The following LAMA4 variants were observed in gnomAD, a reference collection of about 807,000 sequenced individuals.
LAMA4 encodes the protein laminin subunit alpha-4.
Under a neutral mutation model 207.1 loss-of-function variants are expected in LAMA4, and 127 were observed. The ratio of observed to expected loss-of-function variants is 0.61; its 90% confidence interval spans 0.53 to 0.71. LAMA4 has a LOEUF of 0.71. Ranked by LOEUF, LAMA4 falls within the 30% of genes least tolerant of loss-of-function variation. LAMA4 has a pLI of 0.00. For synonymous variants in LAMA4, 761 were observed against 816.0 expected, an observed-to-expected ratio of 0.93 and a Z score of 1.15; for missense variants, 2,093 against 2,246.5, an observed-to-expected ratio of 0.93 and a Z score of 1.38.
chr6:112,200,139 A>T (rs1483604892), intron 5 of LAMA4: 3 of 533,234 alleles, frequency 5.6e-6, no homozygotes, highest in African/African-American at 3.8e-5. Flanking sequence ...TTACCGAGTC[A>T]TTCAGTGGAA....
rs369887291 is a variant in LAMA4, at chr6:112,119,286, C to A, written c.4691G>T (p.Ser1564Ile). The A allele has an allele frequency of 9.8e-5, 158 of 1,614,020 alleles. 1 individual carries two copies. The East Asian group carries it at 1.9e-3, about 20-fold the overall frequency. Residue 1564 changes from serine to isoleucine, a missense_variant, in exon 34 of 39, where the codon AGT (serine) becomes ATT (isoleucine). Around this residue, in one of 3 missense-constraint regions of LAMA4, gnomAD observed 383 missense variants for 437.8 expected, o/e 0.87. Coordinates refer to ENST00000230538, the MANE Select transcript of LAMA4 (RefSeq NM_001105206.3). ...HDVIFIRERS[S>I]GRLVIDGLRV... is the part of the protein sequence containing the mutation. ...GAGACCATCAATTACCAGTCGGCCA[C>A]TGCTCCTTTCTCGAATAAATATCAC...
At chr6:112,184,724 C>T (rs1299545415) in intron 9 of LAMA4, among the ~76,000 whole-genome samples, 2 of 152,130 alleles carry the variant, frequency 1.3e-5, no homozygotes, top group Admixed American at 1.3e-4. Context: ...ATACTCAACT[C>T]TTTAAACGGG....
intron 15 of LAMA4, 104 bp downstream of exon 15, chr6:112,155,461 T>G: frequency 3.0e-6 from 4 of 1,320,880 alleles, no homozygotes; most frequent in Non-Finnish European, 4.4e-6. Context: ...TTTTCCACTC[T>G]TTCTGCCATT....
Position 112,254,205 on chromosome 6 carries a change from G to C in LAMA4, c.-55C>G. ...CAGGGCTCGGGCGCTGTGGGTCTCC[G>C]TAGGTCTCCCGCGTGGTGCGGCGGT... On this transcript the variant is annotated 5_prime_UTR_variant, in exon 2 of 39. Transcript: ENST00000230538. The C allele has an allele frequency of 1.2e-6, 2 of 1,608,590 alleles. No individual in the cohort carries two copies. The highest frequency in any genetic ancestry group is 1.7e-6 in the Non-Finnish European group (2 of 1,178,568).
At chr6:112,132,350 C>T (rs1271969981) in intron 28 of LAMA4, among the ~76,000 whole-genome samples, 1 of 152,016 alleles carries the variant, frequency 6.6e-6, no homozygotes, top group East Asian at 1.9e-4. Context: ...ATTTCTGTGA[C>T]AATTGTAATG....
chr6:112,206,402 G>A (rs1554354256), intron 4 of LAMA4, among the ~76,000 whole-genome samples: 1 of 152,138 alleles, frequency 6.6e-6, no homozygotes, highest in Non-Finnish European at 1.5e-5. Context: ...TCCATATTCT[G>A]TCATTTTAAA....
intron 2 of LAMA4, among the ~76,000 whole-genome samples, chr6:112,217,297 C>T (rs1393923496): frequency 6.6e-6 from 1 of 152,120 alleles, no homozygotes; most frequent in Non-Finnish European, 1.5e-5. Flanking sequence ...TGTGGATATG[C>T]ATTTGATATT....
At position 112,118,256 on chromosome 6, in the gene LAMA4, A is replaced by G. The variant is rs1317497000; in HGVS notation, c.4822-358T>C. Among the ~76,000 whole-genome samples, 1 of 152,214 alleles carries G rather than the reference A, an allele frequency of 6.6e-6. No homozygotes were observed. The highest frequency in any genetic ancestry group is 1.5e-5 in the Non-Finnish European group (1 of 68,038). On this transcript the variant is annotated intron_variant, in intron 34 of 38. Transcript: ENST00000230538. The surrounding 1 kb of genome is among the most constrained non-coding windows in gnomAD (Gnocchi z 4.6). ...ACCTAAGGCTGATGAGGGCTAGCAA[A>G]GTTCTTTACTTAAATCTACCATAGC...
rs782809430 is a variant in LAMA4 at position 112,140,793 on chromosome 6, C to T, written c.2943G>A (p.Val981=). 8.7e-6 allele frequency: 14 copies of T among 1,613,934 alleles called. No homozygotes were observed. Among genetic ancestry groups the T allele is most frequent in the Non-Finnish European group, 1.2e-5 (14 of 1,179,970 alleles). Reference sequence around the variant, plus strand: ...TGGAAGGCACTCCACCAACATAAAACACTGTGTCCTCAGGGTCCAGGTCCA... The same window carrying T: ...TGGAAGGCACTCCACCAACATAAAATACTGTGTCCTCAGGGTCCAGGTCCA... ...SLLDLDPEDT[V]FYVGGVPSNF... is the part of the protein sequence containing the mutation. Residue 981 remains valine (V), a synonymous_variant, in exon 22 of 39, where the codon GTG becomes GTA. Transcript: ENST00000230538.
At chr6:112,243,923 T>A (rs1215292144) in intron 2 of LAMA4, among the ~76,000 whole-genome samples, 4 of 152,140 alleles carry the variant, frequency 2.6e-5, no homozygotes. Flanking sequence ...CTGGGCATGG[T>A]GGCGGGTGCC....
chr6:112,119,170 C>T lies in LAMA4; in HGVS notation c.4807G>A (p.Val1603Met). The T allele has an allele frequency of 6.2e-7, 1 of 1,613,906 alleles. No homozygotes were observed. Among genetic ancestry groups the T allele is most frequent in the Non-Finnish European group, 8.5e-7 (1 of 1,179,886 alleles). ...YLGGVAPGKA[V>M]KNVQINSIYS... ...GCCTGGCTTACCTGAACATTTTTCA[C>T]AGCCTTTCCAGGAGCCACACCTCCC... The change falls in exon 34 of 39, where the codon GTG becomes ATG. Residue 1603 changes from valine (V) to methionine (M), a missense_variant. By Grantham distance (21) the Val-to-Met change is conservative. Around this residue, in one of 3 missense-constraint regions of LAMA4, gnomAD observed 383 missense variants for 437.8 expected, o/e 0.87. Transcript: ENST00000230538.
At chr6:112,224,951 TA>T (rs1276046511) in intron 2 of LAMA4, among the ~76,000 whole-genome samples, 2 of 150,658 alleles carry the variant, frequency 1.3e-5, no homozygotes, top group African/African-American at 2.4e-5. Context: ...TTTTTTTTTT[TA>T]ATTTAATTTT....
intron 2 of LAMA4, among the ~76,000 whole-genome samples, chr6:112,238,424 A>G (rs1260290501): frequency 6.6e-6 from 1 of 152,216 alleles, no homozygotes; most frequent in Non-Finnish European, 1.5e-5. Flanking sequence ...TTGAATTAAA[A>G]GTTGGCCAGG....
intron 2 of LAMA4, among the ~76,000 whole-genome samples, chr6:112,241,106 T>TATATATGAATATATATATCA (rs1477956342): frequency 9.7e-6 from 1 of 103,596 alleles, no homozygotes; most frequent in Non-Finnish European, 2.1e-5. Context: ...TGAATATATA[T>TATATATGAATATATATATCA]ATATATATGA....
At chr6:112,159,975 G>A (rs1780953851) in intron 13 of LAMA4, among the ~76,000 whole-genome samples, 1 of 152,018 alleles carries the variant, frequency 6.6e-6, no homozygotes, top group African/African-American at 2.4e-5. Context: ...TAAGCCTTAC[G>A]GTGTTGCCTG....
At chr6:112,205,057 G>A (rs940528470) in intron 4 of LAMA4, among the ~76,000 whole-genome samples, 2 of 152,186 alleles carry the variant, frequency 1.3e-5, no homozygotes, top group African/African-American at 2.4e-5. Flanking sequence ...AAGTGTGTGA[G>A]TATGAGTGAG....
chr6:112,168,080 C>T (rs1225500487), intron 12 of LAMA4, among the ~76,000 whole-genome samples: 1 of 151,784 alleles, frequency 6.6e-6, no homozygotes, highest in Non-Finnish European at 1.5e-5. Context: ...TGCCTGTAGT[C>T]CCAGCTACTC....
chr6:112,188,463 C>T (rs1344407432), intron 7 of LAMA4, among the ~76,000 whole-genome samples: 2 of 152,090 alleles, frequency 1.3e-5, no homozygotes, highest in Non-Finnish European at 2.9e-5. Context: ...AAGATGTAAT[C>T]CAATGGTAAG....
At chr6:112,119,410 T>A in intron 33 of LAMA4, 99 bp from the exon 34 acceptor site, 1 of 1,288,700 alleles carries the variant, frequency 7.8e-7, no homozygotes, top group South Asian at 1.2e-5. Flanking sequence ...TGCAATGCTG[T>A]GGGAAATCTT....
Sources: gnomAD v4.1 joint callset for allele counts (sites outside exome capture counted in the v4.1 genomes callset) on GRCh38, gnomAD v4.1.1 for gene constraint, gnomAD v4.1.1 regional missense constraint, Gnocchi (gnomAD v3.1) non-coding constraint, MANE v1.5 for transcripts, NCBI Gene and HGNC (gene_info 2026-07-23, HGNC 2026-07-21) for gene names.